Variants in ATR observed in about 807,000 individuals in gnomAD.
ATR encodes the protein ATR checkpoint kinase, also known as serine/threonine-protein kinase ATR.
Under a neutral mutation model 305.3 loss-of-function variants are expected in ATR, and 142 were observed. The observed-to-expected ratio is 0.47, with a 90% CI of 0.41 to 0.53. The LOEUF is 0.53. Among genes scored for constraint, ATR ranks in the 20% least tolerant of loss-of-function variants. The pLI is 0.00. For synonymous variants in ATR, 1,050 were observed against 1,068.1 expected (o/e 0.98, Z 0.33); for missense variants, 2,135 against 3,133.1 (o/e 0.68, Z 7.60).
intron 36 of ATR, among the ~76,000 whole-genome samples, chr3:142,477,365 T>C (rs2029939877): frequency 6.6e-6 from 1 of 152,174 alleles, no homozygotes. Context: ...GGTTTTTGTC[T>C]TTGCTTCTGT....
At chr3:142,497,225 A>G (rs376486331) in intron 32 of ATR, 33 bp from the exon 33 acceptor site, 7 of 1,602,512 alleles carry the variant, frequency 4.4e-6, no homozygotes, top group African/African-American at 2.7e-5. Context: ...TTAAAATGTT[A>G]TCATATTCAG....
intron 21 of ATR, among the ~76,000 whole-genome samples, chr3:142,526,097 A>T (rs76784422): frequency 0.075 from 11,458 of 152,134 alleles, 1,095 homozygotes; most frequent in African/African-American, 0.22. Context: ...TTAAGTTTAT[A>T]CTCAACTATA....
chr3:142,526,152 T>C (rs2033379822), intron 21 of ATR, among the ~76,000 whole-genome samples: 1 of 152,168 alleles, frequency 6.6e-6, no homozygotes, highest in African/African-American at 2.4e-5. Context: ...CAAAAAAATT[T>C]CTACCTAGTT....
chr3:142,508,341 T>C (rs2032363115), intron 27 of ATR, among the ~76,000 whole-genome samples: 1 of 152,182 alleles, frequency 6.6e-6, no homozygotes. Context: ...GAGCCTCTAT[T>C]TCTTTACCTA....
intron 35 of ATR, among the ~76,000 whole-genome samples, chr3:142,488,317 G>C (rs1158950515): frequency 6.6e-6 from 1 of 152,274 alleles, no homozygotes; most frequent in East Asian, 1.9e-4. Context: ...GTTGTTGCTA[G>C]CCATGGGGTA....
chr3:142,513,991 CG>C (rs1477328341), intron 25 of ATR, among the ~76,000 whole-genome samples: 4 of 151,976 alleles, frequency 2.6e-5, no homozygotes, highest in African/African-American at 4.8e-5. Flanking sequence ...AAATGTCAGC[CG>C]GGCATGGTGG....
At chr3:142,528,881 T>TATATATTTA (rs1559967148) in intron 21 of ATR, among the ~76,000 whole-genome samples, 1 of 49,830 alleles carries the variant, frequency 2.0e-5, no homozygotes, top group Admixed American at 1.7e-4. Flanking sequence ...ATATATATAT[T>TATATATTTA]TTTTTTTTTT....
chr3:142,523,289 G>A (rs2033231559), intron 22 of ATR, among the ~76,000 whole-genome samples: 1 of 152,086 alleles, frequency 6.6e-6, no homozygotes, highest in African/African-American at 2.4e-5. Flanking sequence ...GCGTGGTGGT[G>A]CACGCCTGTA....
intron 21 of ATR, among the ~76,000 whole-genome samples, chr3:142,534,802 T>A (rs2033793265): frequency 6.6e-6 from 1 of 152,218 alleles, no homozygotes; most frequent in Non-Finnish European, 1.5e-5. Context: ...GCTGCTGTAT[T>A]ATACAATTAT....
At chr3:142,566,044 G>A (rs2108493434) in intron 3 of ATR, 77 bp downstream of exon 3, 3 of 1,584,088 alleles carry the variant, frequency 1.9e-6, no homozygotes, top group Non-Finnish European at 2.6e-6. Context: ...TCCTGTACAT[G>A]TAATATTTCA....
intron 36 of ATR, among the ~76,000 whole-genome samples, chr3:142,480,709 C>T (rs1042591183): frequency 1.6e-4 from 25 of 152,322 alleles, no homozygotes; most frequent in African/African-American, 4.1e-4. Context: ...GGCAGGCAGG[C>T]CTCCTTGAGC....
rs143103810 is a variant in ATR, at chr3:142,540,537, C to T, written c.3581+367G>A. The stretch of plus-strand genomic sequence containing the variant: ...AGGTTATTTTTTAAATGTCCTCATC[C>T]GTTAGATACATCTAAAGTATTTACA... On this transcript the variant is annotated intron_variant, in intron 18 of 46. Coordinates refer to ENST00000350721, the MANE Select transcript of ATR (RefSeq NM_001184.4). 4.2e-3 allele frequency among the ~76,000 whole-genome samples: 631 copies of T among 152,014 alleles called. 12 individuals carry two copies. The highest frequency in any genetic ancestry group is 0.015 in the African/African-American group (614 of 41,492).
At position 142,536,005 on chromosome 3, in the gene ATR, T is replaced by C. The variant is rs2033844646; in HGVS notation, c.3819+103A>G. On this transcript the variant is annotated intron_variant, in intron 20 of 46. Transcript: ENST00000350721. ...AATTAGCTATCAGAATAGGACTATA[T>C]TATCCCTAGATATGATCCTAAAGGA... The C allele has an allele frequency of 6.0e-6, 5 of 826,592 alleles. No individual in the cohort carries two copies. The South Asian group carries it at 7.3e-5, about 12-fold the overall frequency. The allele number at this position is 826,592 out of a possible 1,614,324, so 51.2% of individuals were successfully genotyped here.
chr3:142,506,482 T>A (rs1193703336), intron 28 of ATR, among the ~76,000 whole-genome samples: 2 of 151,976 alleles, frequency 1.3e-5, no homozygotes, highest in African/African-American at 4.8e-5. Flanking sequence ...TCACTTGAGG[T>A]CAGGAGGCCA....
intron 36 of ATR, among the ~76,000 whole-genome samples, chr3:142,471,680 CA>C (rs995397793): frequency 2.0e-5 from 3 of 152,080 alleles, no homozygotes; most frequent in African/African-American, 7.2e-5. Context: ...AACATGTATA[CA>C]TTGTGGAAGA....
rs1171195102 is a variant in ATR at position 142,541,055 on chromosome 3, T to A, written c.3451-21A>T. ...AAGGCCTATAGAGTTAAGTAGTGCT[T>A]CAGAGTAAAGCTTATAAACATGCTG... On this transcript the variant is annotated intron_variant, in intron 17 of 46. Coordinates refer to ENST00000350721, the MANE Select transcript of ATR (RefSeq NM_001184.4). 8 of 1,613,140 alleles carry A rather than the reference T, an allele frequency of 5.0e-6. No individual in the cohort carries two copies. The African/African-American group carries it at 9.3e-5, about 19-fold the overall frequency.
chr3:142,472,301 G>T (rs921343655), intron 36 of ATR: 2 of 152,116 alleles, frequency 1.3e-5, no homozygotes, highest in African/African-American at 4.8e-5. Context: ...GGGATTGCTA[G>T]ATCATATGAT....
In ATR at chr3:142,492,789, C is replaced by T. The variant is rs536648586; in HGVS notation, c.6078+343G>A. Among the ~76,000 whole-genome samples the T allele has an allele frequency of 2.6e-5, 4 of 152,202 alleles. No individual in the cohort carries two copies. The East Asian group carries it at 7.7e-4, about 29-fold the overall frequency. ...GGATTATTGAGAGGTATATCTCTTA[C>T]AACACCATCTATATAAAGTTTAATA... On this transcript the variant is annotated intron_variant, in intron 35 of 46. Transcript: ENST00000350721.
rs1391616446 is a variant in ATR at position 142,553,451 on chromosome 3, CACACACAT to C, written c.2634-61_2634-54del. On this transcript the variant is annotated intron_variant, in intron 12 of 46. Transcript: ENST00000350721. ...ATACACAAACACACACACACACACACACACACATACACACACATATGTATCTCCAATAT... is the reference window on the plus strand; with the variant it reads ...ATACACAAACACACACACACACACACACACACACATATGTATCTCCAATAT... 4.3e-5 allele frequency: 65 copies of C among 1,508,306 alleles called. No homozygotes were observed. The African/African-American group carries it at 8.4e-4, about 20-fold the overall frequency. The allele number at this position is 1,508,306 out of a possible 1,614,324, so 93.4% of individuals were successfully genotyped here.
Sources: allele counts gnomAD v4.1 joint callset (sites outside exome capture counted in the v4.1 genomes callset), GRCh38; gene constraint gnomAD v4.1.1; transcripts MANE v1.5; gene names NCBI Gene and HGNC (gene_info 2026-07-23, HGNC 2026-07-21).